The following ARHGEF35 variants were observed in gnomAD, a reference collection of about 807,000 sequenced individuals.
ARHGEF35 encodes Rho guanine nucleotide exchange factor (GEF) 35.
For synonymous variants in ARHGEF35, 47 were observed against 170.4 expected (o/e 0.28, Z 5.64); for missense variants, 114 against 449.7 (o/e 0.25, Z 6.75).
chr7:144,191,346 C>G (rs1420784731), intron 1 of ARHGEF35, among the ~76,000 whole-genome samples: 4 of 82,904 alleles, frequency 4.8e-5, no homozygotes, highest in African/African-American at 2.3e-4. Flanking sequence ...TGCCCCCATC[C>G]CCCCCCCCCC....
intron 1 of ARHGEF35, among the ~76,000 whole-genome samples, chr7:144,191,344 T>A (rs1263652509): frequency 1.0e-3 from 30 of 29,642 alleles, no homozygotes; most frequent in South Asian, 4.0e-3. Flanking sequence ...CCTGCCCCCA[T>A]CCCCCCCCCC....
In ARHGEF35 at chr7:144,192,230, T is replaced by TACACACACAC. The variant is rs2699831; in HGVS notation, c.-13+3298_-13+3307dup. Among the ~76,000 whole-genome samples the TACACACACAC allele has an allele frequency of 6.2e-4, 39 of 62,806 alleles. 3 individuals carry two copies. The highest frequency in any genetic ancestry group is 1.5e-3 in the African/African-American group (19 of 12,646). The allele number at this position is 62,806 out of a possible 152,430, so 41.2% of individuals were successfully genotyped here. A position where few individuals can be genotyped will look rare whatever the true frequency, so the allele number is the denominator to read the frequency against. On this transcript the variant is annotated intron_variant, in intron 1 of 1. Coordinates refer to ENST00000378115, the MANE Select transcript of ARHGEF35 (RefSeq NM_001003702.3). ...TACTGTCCTGCTTAGCCACTGTGTG[T>TACACACACAC]ACACACACACACACACACACACACA...
In ARHGEF35 at chr7:144,186,716, C is replaced by T. The variant is rs1249223934; in HGVS notation, c.*213G>A. ...CTGTCCTAGGCCCTAAAACTCGCCA[C>T]AACAAATTTAAAAGAGATAGTAATC... On this transcript the variant is annotated 3_prime_UTR_variant, in exon 2 of 2. Transcript: ENST00000378115. 1 of 510,334 alleles carries T rather than the reference C, an allele frequency of 2.0e-6. No individual in the cohort carries two copies. Among genetic ancestry groups the T allele is most frequent in the East Asian group, 3.1e-5 (1 of 32,402 alleles). The allele number at this position is 510,334 out of a possible 1,614,324, so 31.6% of individuals were successfully genotyped here.
At chr7:144,189,806 CTT>C (rs202193464) in intron 1 of ARHGEF35, among the ~76,000 whole-genome samples, 22 of 102,060 alleles carry the variant, frequency 2.2e-4, no homozygotes, top group African/African-American at 4.5e-4. Context: ...TTTTTTCTTT[CTT>C]TTTTTTTTTT....
In ARHGEF35 at chr7:144,191,093, C is replaced by G. The variant is rs983137242; in HGVS notation, c.-12-2698G>C. ...CCACTGGTGCATGCTGCTACCGTCTCGCCCGGGCCACTGCACCCGGCCACA... is the reference window on the plus strand; with the variant it reads ...CCACTGGTGCATGCTGCTACCGTCTGGCCCGGGCCACTGCACCCGGCCACA... On this transcript the variant is annotated intron_variant, in intron 1 of 1. Coordinates refer to ENST00000378115, the MANE Select transcript of ARHGEF35 (RefSeq NM_001003702.3). 5.4e-5 allele frequency among the ~76,000 whole-genome samples: 6 copies of G among 111,894 alleles called. 1 individual carries two copies. The highest frequency in any genetic ancestry group is 7.5e-5 in the Non-Finnish European group (4 of 53,364). 73.4% of individuals were successfully genotyped at this position (111,894 alleles called of 152,430 possible).
chr7:144,192,235 AC>A, intron 1 of ARHGEF35, among the ~76,000 whole-genome samples: 2 of 72,852 alleles, frequency 2.7e-5, no homozygotes, highest in Admixed American at 3.2e-4. Context: ...GTGTGTACAC[AC>A]ACACACACAC....
chr7:144,187,052 C>T lies in ARHGEF35; in HGVS notation c.1332G>A (p.Leu444=), dbSNP rs568698658. 6.5e-6 allele frequency: 10 copies of T among 1,544,116 alleles called. 2 individuals are homozygous for T. In the African/African-American group the frequency reaches 1.3e-4, roughly 20 times the overall value. ...GCAAGGGAGACAGAGCTGCGGGGGA[C>T]AGTTCCTCAGCCCTGGACTCTGTCT... The part of the protein sequence containing the change: ...GTQTESRAEE[L]SPAALSPLLE... The change falls in exon 2 of 2, where the codon CTG becomes CTA. Residue 444 remains leucine, a synonymous_variant. Coordinates refer to ENST00000378115, the MANE Select transcript of ARHGEF35 (RefSeq NM_001003702.3).
intron 1 of ARHGEF35, among the ~76,000 whole-genome samples, chr7:144,193,863 G>C (rs2052021052): frequency 6.9e-6 from 1 of 144,858 alleles, no homozygotes; most frequent in Non-Finnish European, 1.5e-5. Context: ...TATTAACATA[G>C]ACCTTGAGGG....
chr7:144,189,806 C>CT (rs202193464), intron 1 of ARHGEF35, among the ~76,000 whole-genome samples: 2,186 of 102,006 alleles, frequency 0.021, 67 homozygotes, highest in African/African-American at 0.034. Context: ...TTTTTTCTTT[C>CT]TTTTTTTTTT....
chr7:144,189,943 C>CTAT (rs1157010859), intron 1 of ARHGEF35, among the ~76,000 whole-genome samples: 1 of 134,988 alleles, frequency 7.4e-6, no homozygotes, highest in Non-Finnish European at 1.6e-5. Flanking sequence ...GTAGCTGGGA[C>CTAT]TATAGGTGTG....
rs1610543 is a variant in ARHGEF35, at chr7:144,191,354, C to A, written c.-12-2959G>T. On this transcript the variant is annotated intron_variant, in intron 1 of 1. Coordinates refer to ENST00000378115, the MANE Select transcript of ARHGEF35 (RefSeq NM_001003702.3). ...CTGTCCCTGCCCCCATCCCCCCCCC[C>A]CCCACTGGCTTTCAGTGTCTTTAGC... Among the ~76,000 whole-genome samples, 11 of 69,678 alleles carry A rather than the reference C, an allele frequency of 1.6e-4. No homozygotes were observed. In the South Asian group the frequency reaches 2.7e-3, roughly 17 times the overall value. The allele number at this position is 69,678 out of a possible 152,430, so 45.7% of individuals were successfully genotyped here.
rs766784803 is a variant in ARHGEF35 at position 144,186,937 on chromosome 7, C to T, written c.1447G>A (p.Val483Ile). ...CATGAAACTGTGACATATCAAAGTA[C>T]TGATAGAAGTTTTTCCTTGTCAGGT... ...ESPDKEKLLS[V>I]L The change falls in exon 2 of 2, where the codon GTA (valine) becomes ATA (isoleucine). Residue 483 changes from valine (V) to isoleucine (I), a missense_variant. Transcript: ENST00000378115. 16 of 1,507,798 alleles carry T rather than the reference C, an allele frequency of 1.1e-5. 3 individuals are homozygous for T. The highest frequency in any genetic ancestry group is 1.4e-5 in the African/African-American group (1 of 69,620). The allele number at this position is 1,507,798 out of a possible 1,614,324, so 93.4% of individuals were successfully genotyped here. A position where few individuals can be genotyped will look rare whatever the true frequency, so the allele number is the denominator to read the frequency against.
chr7:144,187,223 C>T lies in ARHGEF35; in HGVS notation c.1161G>A (p.Leu387=), dbSNP rs543204243. The T allele has an allele frequency of 5.5e-6, 8 of 1,454,198 alleles. 2 individuals are homozygous for T. In the African/African-American group the frequency reaches 1.1e-4, roughly 19 times the overall value. The allele number at this position is 1,454,198 out of a possible 1,614,324, so 90.1% of individuals were successfully genotyped here. Residue 387 remains leucine (L), a synonymous_variant, in exon 2 of 2, where the codon CTG becomes CTA. Transcript: ENST00000378115. ...KEPESWDGGR[L]GAVGRARSRE... ...TGCTCCTCGCTCTTCCCACTGCCCC[C>T]AGCCTGCCCCCATCCCAACTCTCTG...
Position 144,187,033 on chromosome 7 carries a change from G to T in ARHGEF35, c.1351C>A (p.Pro451Thr). 6.5e-7 allele frequency: 1 copy of T among 1,545,498 alleles called. No individual in the cohort carries two copies. Among genetic ancestry groups the T allele is most frequent in the Non-Finnish European group, 8.9e-7 (1 of 1,123,584 alleles). ...AEELSPAALS[P>T]LLEPIRCSHQ... ...GAGCATCTGATGGGCTCTAGCAAGG[G>T]AGACAGAGCTGCGGGGGACAGTTCC... The change falls in exon 2 of 2, where the codon CCC (proline) becomes ACC (threonine). Residue 451 changes from proline (P) to threonine (T), a missense_variant. Pro to Thr is a conservative substitution (Grantham distance 38). Transcript: ENST00000378115.
Position 144,186,887 on chromosome 7 carries a change from T to A in ARHGEF35, c.*42A>T. The A allele has an allele frequency of 7.4e-7, 1 of 1,346,634 alleles. No individual in the cohort carries two copies. Among genetic ancestry groups the A allele is most frequent in the African/African-American group, 1.6e-5 (1 of 64,270 alleles). 83.4% of individuals were successfully genotyped at this position (1,346,634 alleles called of 1,614,324 possible). The stretch of plus-strand genomic sequence containing the variant: ...AGTCAAAGAAGTCTCAAGGAAAAAT[T>A]TAAAAATACATTGAACTGGATAAAC... On this transcript the variant is annotated 3_prime_UTR_variant, in exon 2 of 2. Transcript: ENST00000378115.
rs2051947302 is a variant in ARHGEF35, at chr7:144,186,094, T to C, written c.*835A>G. On this transcript the variant is annotated 3_prime_UTR_variant, in exon 2 of 2. Transcript: ENST00000378115. ...TTTGAATATGAATCTTATGAGTAAA[T>C]CATTTCCATTTTATTATATTCTAGA... is the stretch of plus-strand genomic sequence containing the variant. 7.2e-6 allele frequency: 1 copy of C among 138,386 alleles called. No individual in the cohort carries two copies. Among genetic ancestry groups the C allele is most frequent in the African/African-American group, 6.3e-5 (1 of 15,806 alleles). The allele number at this position is 138,386 out of a possible 1,614,324, so 8.6% of individuals were successfully genotyped here.
At position 144,192,230 on chromosome 7, in the gene ARHGEF35, T is replaced by TACACACAC. The variant is rs2699831; in HGVS notation, c.-13+3300_-13+3307dup. On this transcript the variant is annotated intron_variant, in intron 1 of 1. Transcript: ENST00000378115. ...TACTGTCCTGCTTAGCCACTGTGTG[T>TACACACAC]ACACACACACACACACACACACACA... is the stretch of plus-strand genomic sequence containing the variant. 2.1e-3 allele frequency among the ~76,000 whole-genome samples: 130 copies of TACACACAC among 62,800 alleles called. 13 individuals are homozygous for TACACACAC. The highest frequency in any genetic ancestry group is 4.9e-3 in the African/African-American group (62 of 12,648). The allele number at this position is 62,800 out of a possible 152,430, so 41.2% of individuals were successfully genotyped here. A position where few individuals can be genotyped will look rare whatever the true frequency, so the allele number is the denominator to read the frequency against.
chr7:144,190,214 ATG>A (rs1438127433), intron 1 of ARHGEF35, among the ~76,000 whole-genome samples: 1 of 109,874 alleles, frequency 9.1e-6, no homozygotes, highest in Non-Finnish European at 1.9e-5. Flanking sequence ...TTATATAATG[ATG>A]TGTGTATTTT....
chr7:144,192,054 C>T lies in ARHGEF35; in HGVS notation c.-13+3484G>A, dbSNP rs569301038. Among the ~76,000 whole-genome samples the T allele has an allele frequency of 4.1e-4, 57 of 137,720 alleles. No individual in the cohort carries two copies. The South Asian group carries it at 0.012, about 28-fold the overall frequency. 90.3% of individuals were successfully genotyped at this position (137,720 alleles called of 152,430 possible). ...TGAAGCAAAGTCGCTTGATTTAAGT[C>T]TCCTGTAAGCACTTAGAGGTCCTAC... On this transcript the variant is annotated intron_variant, in intron 1 of 1. Transcript: ENST00000378115.
Sources: allele counts gnomAD v4.1 joint callset (sites outside exome capture counted in the v4.1 genomes callset), GRCh38; gene constraint gnomAD v4.1.1; transcripts MANE v1.5; gene names NCBI Gene and HGNC (gene_info 2026-07-23, HGNC 2026-07-21).